Variants in TAFA5 observed in about 807,000 individuals in gnomAD.
The protein encoded by TAFA5 is TAFA chemokine like family member 5, also known as chemokine-like protein TAFA-5.
A neutral mutation model predicts 15.3 loss-of-function variants in TAFA5; 6 were observed. The observed-to-expected ratio is 0.39, with a 90% CI of 0.21 to 0.77. The LOEUF (loss-of-function observed/expected upper bound fraction) is 0.77. Among genes scored for constraint, TAFA5 ranks in the 30% least tolerant of loss-of-function variants. TAFA5 has a pLI of 0.41. For missense variants in TAFA5, 161 were observed against 193.1 expected, an observed-to-expected ratio of 0.83 and a Z score of 0.98; for synonymous variants, 103 against 80.7, an observed-to-expected ratio of 1.28 and a Z score of -1.48.
rs1436541684 is a variant in TAFA5 at position 48,656,712 on chromosome 22, TTTGAGATGGAGTCTCATTTTTTTTTC to T, written c.262+9969_262+9994del. Among the ~76,000 whole-genome samples, 19 of 119,972 alleles carry T rather than the reference TTTGAGATGGAGTCTCATTTTTTTTTC, an allele frequency of 1.6e-4. 1 individual carries two copies. Among genetic ancestry groups the T allele is most frequent in the East Asian group, 7.5e-4 (2 of 2,682 alleles). The allele number at this position is 119,972 out of a possible 152,430, so 78.7% of individuals were successfully genotyped here. A position where few individuals can be genotyped will look rare whatever the true frequency, so the allele number is the denominator to read the frequency against. On this transcript the variant is annotated intron_variant, in intron 2 of 3. Coordinates refer to ENST00000402357, the MANE Select transcript of TAFA5 (RefSeq NM_001082967.3). ...ACCAAAAGTTCTTTTTTTTTTTTTTTTTGAGATGGAGTCTCATTTTTTTTTCTTTTGAGATGGAGTCTCTTTTTTTT... is the reference window on the plus strand; with the variant it reads ...ACCAAAAGTTCTTTTTTTTTTTTTTTTTTTGAGATGGAGTCTCTTTTTTTT...
chr22:48,723,256 A>G (rs1322368878), intron 3 of TAFA5, among the ~76,000 whole-genome samples: 4 of 152,196 alleles, frequency 2.6e-5, no homozygotes, highest in Non-Finnish European at 5.9e-5. Context: ...TGGGAATGAA[A>G]TACGACGTGT....
intron 1 of TAFA5, among the ~76,000 whole-genome samples, chr22:48,633,978 T>C (rs952372493): frequency 1.3e-5 from 2 of 152,148 alleles, no homozygotes; most frequent in East Asian, 1.9e-4. Context: ...GGGCAGCTTG[T>C]CACTCAGAGG....
At chr22:48,695,591 C>T (rs1217759006) in intron 2 of TAFA5, among the ~76,000 whole-genome samples, 2 of 152,338 alleles carry the variant, frequency 1.3e-5, no homozygotes, top group African/African-American at 2.4e-5. Context: ...GTCTGTTCCC[C>T]TGGAGTAGCC....
At chr22:48,648,784 C>T (rs952685745) in intron 2 of TAFA5, among the ~76,000 whole-genome samples, 2 of 152,064 alleles carry the variant, frequency 1.3e-5, no homozygotes, top group African/African-American at 4.8e-5. Context: ...GCCGAGATCA[C>T]GCCACTGCAC....
intron 2 of TAFA5, among the ~76,000 whole-genome samples, chr22:48,706,589 G>A (rs1929085892): frequency 6.6e-6 from 1 of 152,202 alleles, no homozygotes; most frequent in Non-Finnish European, 1.5e-5. Flanking sequence ...CCGCCATAGG[G>A]TTGAAGTCGG....
intron 3 of TAFA5, among the ~76,000 whole-genome samples, chr22:48,719,322 C>T (rs1450949446): frequency 1.3e-5 from 2 of 152,196 alleles, no homozygotes; most frequent in African/African-American, 4.8e-5. Flanking sequence ...GCCAGCAGCT[C>T]AGCCCTGGCT....
intron 2 of TAFA5, among the ~76,000 whole-genome samples, chr22:48,661,627 G>A (rs1424581300): frequency 2.0e-5 from 3 of 152,212 alleles, no homozygotes; most frequent in East Asian, 1.9e-4. Flanking sequence ...ACAGAGAGGG[G>A]GCAGCGTATG....
At chr22:48,567,504 C>T (rs1042373616) in intron 1 of TAFA5, among the ~76,000 whole-genome samples, 4 of 152,180 alleles carry the variant, frequency 2.6e-5, no homozygotes, top group African/African-American at 7.2e-5. Flanking sequence ...ATCGTGGGTG[C>T]GGGTCTGGAG....
In TAFA5 at chr22:48,661,282, G is replaced by A. The variant is rs143914241; in HGVS notation, c.262+14536G>A. On this transcript the variant is annotated intron_variant, in intron 2 of 3. Coordinates refer to ENST00000402357, the MANE Select transcript of TAFA5 (RefSeq NM_001082967.3). The stretch of plus-strand genomic sequence containing the variant: ...CATGCCCCACCCTCGGCCCCGAGCC[G>A]CCTCGGGCACGTCTTGCCTGCTGGA... Among the ~76,000 whole-genome samples, 37 of 152,218 alleles carry A rather than the reference G, an allele frequency of 2.4e-4. No individual in the cohort carries two copies. The East Asian group carries it at 7.0e-3, about 29-fold the overall frequency.
intron 1 of TAFA5, among the ~76,000 whole-genome samples, chr22:48,563,191 C>T (rs1923296778): frequency 1.3e-5 from 2 of 152,134 alleles, no homozygotes; most frequent in South Asian, 4.1e-4. Flanking sequence ...AAGTGGCCCC[C>T]TCATCCCCTC....
chr22:48,745,865 G>C (rs900290038), intron 3 of TAFA5, among the ~76,000 whole-genome samples: 8 of 152,220 alleles, frequency 5.3e-5, no homozygotes, highest in Non-Finnish European at 1.0e-4. Flanking sequence ...CGGGAAGGAA[G>C]GTCCTGAGAG....
chr22:48,558,020 G>T (rs1601578135), intron 1 of TAFA5, among the ~76,000 whole-genome samples: 1 of 152,166 alleles, frequency 6.6e-6, no homozygotes, highest in Non-Finnish European at 1.5e-5. Context: ...CAGTCTGAGG[G>T]GGGAGTGGTC....
At position 48,750,059 on chromosome 22, in the gene TAFA5, G is replaced by A. The variant is rs1930439284; in HGVS notation, c.*212G>A. ...CGAGGAGGCCGGACTCAGACACATA[G>A]GCGGGGGGCGGCACCTGGCATCAGC... On this transcript the variant is annotated 3_prime_UTR_variant, in exon 4 of 4. Transcript: ENST00000402357. 2 of 597,800 alleles carry A rather than the reference G, an allele frequency of 3.3e-6. No homozygotes were observed. Among genetic ancestry groups the A allele is most frequent in the Non-Finnish European group, 5.9e-6 (2 of 336,454 alleles). 37.0% of individuals were successfully genotyped at this position (597,800 alleles called of 1,614,324 possible). A position where few individuals can be genotyped will look rare whatever the true frequency, so the allele number is the denominator to read the frequency against.
At chr22:48,712,795 C>G (rs1034696299) in intron 3 of TAFA5, among the ~76,000 whole-genome samples, 2 of 152,250 alleles carry the variant, frequency 1.3e-5, no homozygotes, top group Non-Finnish European at 2.9e-5. Context: ...TGTCCGCCCT[C>G]CTTCCCATTC....
intron 3 of TAFA5, among the ~76,000 whole-genome samples, chr22:48,735,193 A>G (rs1569098746): frequency 6.6e-6 from 1 of 152,218 alleles, no homozygotes; most frequent in Non-Finnish European, 1.5e-5. Flanking sequence ...CACGAGCCAC[A>G]GAGCTGGGAT....
At chr22:48,686,419 C>T (rs1024246688) in intron 2 of TAFA5, among the ~76,000 whole-genome samples, 1 of 152,174 alleles carries the variant, frequency 6.6e-6, no homozygotes, top group Non-Finnish European at 1.5e-5. Context: ...GGATGAGGGG[C>T]CTCTCTCAGG....
At chr22:48,533,001 G>A (rs1922024496) in intron 1 of TAFA5, among the ~76,000 whole-genome samples, 1 of 152,166 alleles carries the variant, frequency 6.6e-6, no homozygotes, top group African/African-American at 2.4e-5. Context: ...GTGAGCGCAG[G>A]GTGCTGAGTC....
At chr22:48,724,026 A>G (rs1234243339) in intron 3 of TAFA5, among the ~76,000 whole-genome samples, 1 of 152,180 alleles carries the variant, frequency 6.6e-6, no homozygotes, top group Non-Finnish European at 1.5e-5. Context: ...TGCAACAGGA[A>G]AGACTCGGGG....
At chr22:48,651,192 G>C (rs1051605700) in intron 2 of TAFA5, among the ~76,000 whole-genome samples, 1 of 152,190 alleles carries the variant, frequency 6.6e-6, no homozygotes, top group Non-Finnish European at 1.5e-5. Context: ...TTTGTGAGCG[G>C]AACTGCCCCA....
Sources: allele counts gnomAD v4.1 joint callset (sites outside exome capture counted in the v4.1 genomes callset), GRCh38; gene constraint gnomAD v4.1.1; transcripts MANE v1.5; gene names NCBI Gene and HGNC (gene_info 2026-07-23, HGNC 2026-07-21).